Variants in TRIM36 observed in about 807,000 individuals in gnomAD.
The protein encoded by TRIM36 is E3 ubiquitin-protein ligase TRIM36.
Under a neutral mutation model 72.4 loss-of-function variants are expected in TRIM36, and 42 were observed. That is an observed-to-expected ratio of 0.58 (90% CI 0.45 to 0.75). The LOEUF (loss-of-function observed/expected upper bound fraction) is 0.75, where lower values mean the gene tolerates loss of function less well. Ranked by LOEUF, TRIM36 falls within the 30% of genes least tolerant of loss-of-function variation. TRIM36 has a pLI of 0.00. For missense variants in TRIM36, 913 were observed against 857.1 expected, an observed-to-expected ratio of 1.07 and a Z score of -0.81; for synonymous variants, 315 against 282.8, an observed-to-expected ratio of 1.11 and a Z score of -1.14.
Position 115,147,544 on chromosome 5 carries a change from T to TTTTTAA in TRIM36, c.263-151_263-150insTTAAAA, listed in dbSNP as rs764637165. Reference sequence around the variant, plus strand: ...CCACGTGAAATTTGTATTGTGAAAATGTTTTTAAAAATTTTTCCTTAGTAT... The same window carrying TTTTTAA: ...CCACGTGAAATTTGTATTGTGAAAATTTTTAAGTTTTTAAAAATTTTTCCTTAGTAT... On this transcript the variant is annotated intron_variant, in intron 2 of 9. Transcript: ENST00000513154. 1.6e-3 allele frequency: 1,634 copies of TTTTTAA among 1,011,754 alleles called. 4 individuals carry two copies. The highest frequency in any genetic ancestry group is 4.4e-3 in the Admixed American group (144 of 32,474). 62.7% of individuals were successfully genotyped at this position (1,011,754 alleles called of 1,614,324 possible).
chr5:115,140,014 T>A (rs1168821165), intron 5 of TRIM36, among the ~76,000 whole-genome samples: 1 of 152,230 alleles, frequency 6.6e-6, no homozygotes, highest in Non-Finnish European at 1.5e-5. Flanking sequence ...GGTGATCATC[T>A]GCTTTGTGTT....
chr5:115,126,177 C>A lies in TRIM36; in HGVS notation c.*326G>T. On this transcript the variant is annotated 3_prime_UTR_variant, in exon 10 of 10. Coordinates refer to ENST00000513154, the MANE Select transcript of TRIM36 (RefSeq NM_001300759.2). ...GAATCATAATAAATACTTTTGTATC[C>A]CCCCCACCATAAGGAAAGTGTCAGC... 8.7e-6 allele frequency: 2 copies of A among 229,518 alleles called. No individual in the cohort carries two copies. The highest frequency in any genetic ancestry group is 9.1e-5 in the East Asian group (1 of 10,956). 14.2% of individuals were successfully genotyped at this position (229,518 alleles called of 1,614,324 possible).
chr5:115,163,813 T>C, intron 1 of TRIM36, 61 bp from the exon 2 acceptor site: 3 of 1,241,778 alleles, frequency 2.4e-6, no homozygotes, highest in South Asian at 2.6e-5. Context: ...AACATTCTTA[T>C]ACCTCCTGAA....
At chr5:115,140,195 C>G (rs905768020) in intron 5 of TRIM36, among the ~76,000 whole-genome samples, 1 of 152,046 alleles carries the variant, frequency 6.6e-6, no homozygotes, top group African/African-American at 2.4e-5. Flanking sequence ...TAATTTCAAC[C>G]TATATTGGAA....
In TRIM36 at chr5:115,163,518, C is replaced by G. The variant is rs1315699821; in HGVS notation, c.262G>C (p.Gly88Arg). 6.2e-7 allele frequency: 1 copy of G among 1,613,720 alleles called. No individual in the cohort carries two copies. Among genetic ancestry groups the G allele is most frequent in the Non-Finnish European group, 8.5e-7 (1 of 1,179,650 alleles). ...MDKIDRINRP[G>R]WKRNSLTPRT... ...CCCAGCCCACAGTTCTAACACATAC[C>G]TGGTCTGTTAATTCGGTCAATTTTA... Residue 88 changes from glycine to arginine, a missense_variant and splice_region_variant, in exon 2 of 10, where the codon GGC (glycine) becomes CGC (arginine). Physicochemically the swap from Gly to Arg is moderately radical, Grantham distance 125. Coordinates refer to ENST00000513154, the MANE Select transcript of TRIM36 (RefSeq NM_001300759.2).
At chr5:115,167,230 G>A (rs1754829877) in intron 1 of TRIM36, among the ~76,000 whole-genome samples, 1 of 152,168 alleles carries the variant, frequency 6.6e-6, no homozygotes, top group Non-Finnish European at 1.5e-5. Context: ...TTCTCTCCTA[G>A]GCCTCCAGGC....
chr5:115,174,417 G>A (rs1489905344), upstream of TRIM36: 13 of 152,216 alleles, frequency 8.5e-5, no homozygotes, highest in Admixed American at 6.5e-4. Flanking sequence ...GTAAATTACA[G>A]GGTTTTCCAG....
intron 8 of TRIM36, among the ~76,000 whole-genome samples, chr5:115,131,136 A>G (rs542648911): frequency 5.9e-5 from 9 of 152,178 alleles, no homozygotes; most frequent in Non-Finnish European, 7.3e-5. Context: ...ATATGTGAAA[A>G]TTTATAAAAA....
intron 1 of TRIM36, chr5:115,179,858 G>C (rs2126965980): frequency 1.0e-6 from 1 of 986,944 alleles, no homozygotes; most frequent in Middle Eastern, 3.0e-4. Flanking sequence ...GCGGCTCCTG[G>C]ATTCCAGCCT....
chr5:115,175,186 ATTCAAG>A (rs1393801754), intron 1 of TRIM36, among the ~76,000 whole-genome samples: 1 of 152,202 alleles, frequency 6.6e-6, no homozygotes, highest in Admixed American at 6.5e-5. Context: ...TCAAATTCAA[ATTCAAG>A]TCTACATCCT....
chr5:115,160,941 C>A (rs1754449532), intron 2 of TRIM36, among the ~76,000 whole-genome samples: 1 of 152,166 alleles, frequency 6.6e-6, no homozygotes, highest in Non-Finnish European at 1.5e-5. Flanking sequence ...GAATTATATG[C>A]AAATGCCCAA....
At chr5:115,133,169 C>G (rs1264339945) in intron 8 of TRIM36, among the ~76,000 whole-genome samples, 2 of 152,180 alleles carry the variant, frequency 1.3e-5, no homozygotes, top group East Asian at 3.9e-4. Flanking sequence ...TCCTGCTAAC[C>G]AGGCTGAGCA....
intron 9 of TRIM36, among the ~76,000 whole-genome samples, chr5:115,128,153 G>A (rs548034505): frequency 1.2e-3 from 186 of 152,020 alleles, no homozygotes; most frequent in African/African-American, 4.0e-3. Context: ...TGAGGAGGGC[G>A]GATCACCTGA....
intron 2 of TRIM36, among the ~76,000 whole-genome samples, chr5:115,157,977 G>A (rs1412619003): frequency 6.6e-6 from 1 of 152,146 alleles, no homozygotes; most frequent in Non-Finnish European, 1.5e-5. Flanking sequence ...AGGGTGGGAA[G>A]CGGGTGAGGG....
At chr5:115,162,353 T>A (rs1754529298) in intron 2 of TRIM36, among the ~76,000 whole-genome samples, 1 of 152,222 alleles carries the variant, frequency 6.6e-6, no homozygotes, top group East Asian at 1.9e-4. Context: ...TATTACTGAA[T>A]ATAAGCCATT....
At chr5:115,172,595 G>C (rs977511722), upstream of TRIM36, among the ~76,000 whole-genome samples, 1 of 152,044 alleles carries the variant, frequency 6.6e-6, no homozygotes, top group African/African-American at 2.4e-5. Context: ...AATTAGCCTG[G>C]CGTGGTGGCA....
intron 9 of TRIM36, among the ~76,000 whole-genome samples, 195 bp from the exon 10 acceptor site, chr5:115,127,052 CCT>C (rs1364105380): frequency 6.6e-6 from 1 of 152,140 alleles, no homozygotes; most frequent in Non-Finnish European, 1.5e-5. Flanking sequence ...CCCCAAATTC[CCT>C]GTCATTAAAC....
chr5:115,165,671 C>A (rs1364580597), intron 1 of TRIM36, among the ~76,000 whole-genome samples: 1 of 152,180 alleles, frequency 6.6e-6, no homozygotes, highest in African/African-American at 2.4e-5. Flanking sequence ...GCAGAGCCAG[C>A]GGGACCCAGG....
In TRIM36 at chr5:115,134,087, T is replaced by C; in HGVS notation, c.1271A>G (p.Asn424Ser). Residue 424 changes from asparagine (N) to serine (S), a missense_variant, in exon 8 of 10, where the codon AAT becomes AGT. Physicochemically the swap from Asn to Ser is conservative, Grantham distance 46. Coordinates refer to ENST00000513154, the MANE Select transcript of TRIM36 (RefSeq NM_001300759.2). ...QSKVYNNALINWHHPEKDKAD... is the reference protein window; with the variant it reads ...QSKVYNNALISWHHPEKDKAD... ...TTTATCCTTTTCTGGATGGTGCCAA[T>C]TTATCAAGGCATTGTTATAAACTTT... is the stretch of plus-strand genomic sequence containing the variant. 6.2e-7 allele frequency: 1 copy of C among 1,613,376 alleles called. No homozygotes were observed. The highest frequency in any genetic ancestry group is 8.5e-7 in the Non-Finnish European group (1 of 1,179,766).
Sources: allele counts gnomAD v4.1 joint callset (sites outside exome capture counted in the v4.1 genomes callset), GRCh38; gene constraint gnomAD v4.1.1; transcripts MANE v1.5; gene names NCBI Gene and HGNC (gene_info 2026-07-23, HGNC 2026-07-21).